Variants in FECH observed in about 807,000 individuals in gnomAD.
FECH encodes the protein ferrochelatase, mitochondrial.
Under a neutral mutation model 56.9 loss-of-function variants are expected in FECH, and 40 were observed. The observed-to-expected ratio is 0.70, with a 90% CI of 0.55 to 0.92. The LOEUF is 0.92. FECH is among the 40% of genes least tolerant of loss of function. The pLI is 0.00. For synonymous variants in FECH, 175 were observed against 198.6 expected, an observed-to-expected ratio of 0.88 and a Z score of 1.00; for missense variants, 431 against 529.1, an observed-to-expected ratio of 0.81 and a Z score of 1.82.
intron 4 of FECH, among the ~76,000 whole-genome samples, chr18:57,571,042 TC>T (rs1261492753): frequency 1.3e-5 from 2 of 152,246 alleles, no homozygotes; most frequent in Non-Finnish European, 2.9e-5. Flanking sequence ...GCAGCCTCAA[TC>T]CATTTCCCAA....
chr18:57,562,331 T>C (rs1236285286), intron 6 of FECH, among the ~76,000 whole-genome samples: 1 of 152,204 alleles, frequency 6.6e-6, no homozygotes, highest in East Asian at 1.9e-4. Flanking sequence ...CTTATTCTCC[T>C]AAAATCAAGC....
intron 5 of FECH, among the ~76,000 whole-genome samples, chr18:57,563,809 C>T (rs1274643704): frequency 6.6e-6 from 1 of 151,940 alleles, no homozygotes; most frequent in Non-Finnish European, 1.5e-5. Flanking sequence ...ATTCTGCATG[C>T]TGAGTATTTT....
chr18:57,582,532 G>A (rs1247301642), intron 1 of FECH, among the ~76,000 whole-genome samples: 3 of 151,738 alleles, frequency 2.0e-5, no homozygotes, highest in African/African-American at 7.3e-5. Context: ...GGAGGCAGAG[G>A]TGGGAGGATC....
chr18:57,576,411 C>T (rs1163537762), intron 2 of FECH, among the ~76,000 whole-genome samples: 1 of 152,142 alleles, frequency 6.6e-6, no homozygotes, highest in African/African-American at 2.4e-5. Flanking sequence ...AACTAATATT[C>T]GTTTAATCTT....
rs1473102208 is a variant in FECH, at chr18:57,546,257, C to T, written c.*4455G>A. 1.3e-5 allele frequency among the ~76,000 whole-genome samples: 2 copies of T among 152,136 alleles called. No homozygotes were observed. The highest frequency in any genetic ancestry group is 1.9e-4 in the East Asian group (1 of 5,198). The stretch of plus-strand genomic sequence containing the variant: ...GCTGATGCACCTGTGCCTTCACGTG[C>T]CCCCGTGCGCACACATAGACGTTCG... On this transcript the variant is annotated 3_prime_UTR_variant, in exon 11 of 11. Coordinates refer to ENST00000262093, the MANE Select transcript of FECH (RefSeq NM_000140.5).
intron 5 of FECH, among the ~76,000 whole-genome samples, chr18:57,565,501 G>A (rs1454400733): frequency 6.6e-6 from 1 of 151,890 alleles, no homozygotes; most frequent in South Asian, 2.1e-4. Context: ...AGCTACTCAG[G>A]AGGCTGAGGC....
chr18:57,554,764 G>T, intron 8 of FECH, 81 bp downstream of exon 8: 4 of 1,199,008 alleles, frequency 3.3e-6, no homozygotes, highest in Non-Finnish European at 5.0e-6. Context: ...ATGTGTAAGA[G>T]CCAAATCTAA....
Position 57,579,313 on chromosome 18 carries a change from G to A in FECH, c.194+760C>T, listed in dbSNP as rs8093842. ...TATGTGTGTGTGTGTGTGTGTGTGT[G>A]TATATATTCATACCTGTATAATTTT... On this transcript the variant is annotated intron_variant, in intron 2 of 10. Transcript: ENST00000262093. Among the ~76,000 whole-genome samples the A allele has an allele frequency of 2.1e-3, 303 of 143,826 alleles. 3 individuals are homozygous for A. The South Asian group carries it at 0.023, about 11-fold the overall frequency. 94.4% of individuals were successfully genotyped at this position (143,826 alleles called of 152,430 possible). A position where few individuals can be genotyped will look rare whatever the true frequency, so the allele number is the denominator to read the frequency against.
chr18:57,565,592 G>C (rs1200177795), intron 5 of FECH, among the ~76,000 whole-genome samples: 1 of 151,386 alleles, frequency 6.6e-6, no homozygotes, highest in Non-Finnish European at 1.5e-5. Flanking sequence ...AAAAAAGAAA[G>C]AAATGATAAT....
chr18:57,570,031 TCGTGTGTG>T (rs1444824641), intron 4 of FECH, among the ~76,000 whole-genome samples: 2 of 79,050 alleles, frequency 2.5e-5, no homozygotes, highest in African/African-American at 4.3e-5. Flanking sequence ...GTTGTTGTTG[TCGTGTGTG>T]TGTGTGTGTG....
intron 1 of FECH, among the ~76,000 whole-genome samples, chr18:57,583,690 G>T (rs867461599): frequency 3.3e-5 from 5 of 152,220 alleles, no homozygotes; most frequent in South Asian, 2.1e-4. Context: ...GCCGGGCATG[G>T]GGGCTCACGC....
At position 57,546,971 on chromosome 18, in the gene FECH, A is replaced by AG. The variant is rs2050728935; in HGVS notation, c.*3740_*3741insC. Reference sequence around the variant, plus strand: ...CGAGACTCCATCTCAAAAAAAAAAAAAAAAAATTTAAGGAGTGCCCTGCCG... The same window carrying AG: ...CGAGACTCCATCTCAAAAAAAAAAAAGAAAAAATTTAAGGAGTGCCCTGCCG... On this transcript the variant is annotated 3_prime_UTR_variant, in exon 11 of 11. Transcript: ENST00000262093. 6.6e-6 allele frequency among the ~76,000 whole-genome samples: 1 copy of AG among 151,798 alleles called. No homozygotes were observed. The highest frequency in any genetic ancestry group is 2.4e-5 in the African/African-American group (1 of 41,322).
At position 57,546,810 on chromosome 18, in the gene FECH, TTAGCCGGGCATGGTGGCACACGCCTGAG is replaced by T. The variant is rs2050726444; in HGVS notation, c.*3874_*3901del. ...CCCATCTCTACTAAAAATACAAAAA[TTAGCCGGGCATGGTGGCACACGCCTGAG>T]TAGCCCAGCTACTCCGGAGGCTGAG... On this transcript the variant is annotated 3_prime_UTR_variant, in exon 11 of 11. Coordinates refer to ENST00000262093, the MANE Select transcript of FECH (RefSeq NM_000140.5). Among the ~76,000 whole-genome samples the T allele has an allele frequency of 6.6e-6, 1 of 151,718 alleles. No homozygotes were observed. Among genetic ancestry groups the T allele is most frequent in the South Asian group, 2.1e-4 (1 of 4,792 alleles).
chr18:57,554,209 T>A (rs763540560), intron 9 of FECH, 51 bp downstream of exon 9: 35 of 1,607,852 alleles, frequency 2.2e-5, no homozygotes, highest in Admixed American at 3.3e-5. Flanking sequence ...GCAGAAAAAA[T>A]TTCCTTTTAA....
In FECH at chr18:57,545,786, C is replaced by T. The variant is rs1202257371; in HGVS notation, c.*4926G>A. 2.0e-5 allele frequency among the ~76,000 whole-genome samples: 3 copies of T among 151,884 alleles called. No homozygotes were observed. The highest frequency in any genetic ancestry group is 2.1e-4 in the South Asian group (1 of 4,808). Reference sequence around the variant, plus strand: ...TTTAAGGCAAAGATCAGATAATAGCCGTATTGCACAAGTGTCTAGCTGGAG... The same window carrying T: ...TTTAAGGCAAAGATCAGATAATAGCTGTATTGCACAAGTGTCTAGCTGGAG... On this transcript the variant is annotated 3_prime_UTR_variant, in exon 11 of 11. Transcript: ENST00000262093.
Position 57,545,990 on chromosome 18 carries a change from C to G in FECH, c.*4722G>C, listed in dbSNP as rs1260961972. On this transcript the variant is annotated 3_prime_UTR_variant, in exon 11 of 11. Coordinates refer to ENST00000262093, the MANE Select transcript of FECH (RefSeq NM_000140.5). ...TTGGTTCCAGGATCCCCCACAGATACTAAAAGTTATCCACACTCAGGTCTC... is the reference window on the plus strand; with the variant it reads ...TTGGTTCCAGGATCCCCCACAGATAGTAAAAGTTATCCACACTCAGGTCTC... 6.6e-6 allele frequency among the ~76,000 whole-genome samples: 1 copy of G among 152,158 alleles called. No homozygotes were observed. Among genetic ancestry groups the G allele is most frequent in the Non-Finnish European group, 1.5e-5 (1 of 68,018 alleles).
chr18:57,571,476 C>A lies in FECH; in HGVS notation c.379G>T (p.Gly127Ter). The change falls in exon 4 of 11, where the codon GGA (glycine) becomes TGA (stop). Residue 127 changes from glycine to a stop codon, truncating the protein, a stop_gained. Transcript: ENST00000262093. LOFTEE classifies it high-confidence loss of function. ...PKIQEQYRRI[G>*]GGSPIKIWTS... ...CATATCTTGATGGGGGATCCGCCTC[C>A]AATCCTGCGGTACTGCTCTTGAATC... 6.2e-7 allele frequency: 1 copy of A among 1,613,944 alleles called. No homozygotes were observed. Among genetic ancestry groups the A allele is most frequent in the Non-Finnish European group, 8.5e-7 (1 of 1,179,994 alleles).
At chr18:57,569,784 C>T (rs2051069824) in intron 4 of FECH, among the ~76,000 whole-genome samples, 2 of 152,046 alleles carry the variant, frequency 1.3e-5, no homozygotes, top group Admixed American at 6.6e-5. Flanking sequence ...CTTTCTGCCT[C>T]CTCTTCCCAC....
intron 1 of FECH, among the ~76,000 whole-genome samples, chr18:57,580,614 C>T (rs529850356): frequency 1.3e-5 from 2 of 152,270 alleles, no homozygotes; most frequent in South Asian, 2.1e-4. Context: ...TTCCAAATAG[C>T]TGCAGTTCTC....
Sources: gnomAD v4.1 joint callset for allele counts (sites outside exome capture counted in the v4.1 genomes callset) on GRCh38, gnomAD v4.1.1 for gene constraint, MANE v1.5 for transcripts, NCBI Gene and HGNC (gene_info 2026-07-23, HGNC 2026-07-21) for gene names.